The following SLC25A15 variants were observed in gnomAD, a reference collection of about 807,000 sequenced individuals.
The protein encoded by SLC25A15 is solute carrier family 25 member 15, also known as mitochondrial ornithine transporter 1.
In SLC25A15, 24 loss-of-function variants were observed where a neutral mutation model predicts 32.3. The ratio of observed to expected loss-of-function variants is 0.74; its 90% confidence interval spans 0.54 to 1.04. The LOEUF (loss-of-function observed/expected upper bound fraction) is 1.04. Among genes scored for constraint, SLC25A15 ranks in the 50% least tolerant of loss-of-function variants. The pLI, the probability that SLC25A15 is intolerant of heterozygous loss-of-function variation, is 0.00. For synonymous variants in SLC25A15, 132 were observed against 142.1 expected, an observed-to-expected ratio of 0.93 and a Z score of 0.51; for missense variants, 317 against 374.5, an observed-to-expected ratio of 0.85 and a Z score of 1.27.
chr13:40,798,282 A>G (rs1199118578), intron 2 of SLC25A15, among the ~76,000 whole-genome samples: 2 of 151,776 alleles, frequency 1.3e-5, no homozygotes, highest in East Asian at 3.9e-4. Flanking sequence ...ACCATCTCAA[A>G]AAAAAAAAAA....
At chr13:40,792,526 C>T (rs1428596514) in intron 1 of SLC25A15, among the ~76,000 whole-genome samples, 1 of 152,256 alleles carries the variant, frequency 6.6e-6, no homozygotes, top group Non-Finnish European at 1.5e-5. Flanking sequence ...GTTCTAAGAA[C>T]ACATGATGCT....
intron 2 of SLC25A15, among the ~76,000 whole-genome samples, chr13:40,793,847 G>T (rs755967907): frequency 6.6e-6 from 1 of 152,236 alleles, no homozygotes; most frequent in Admixed American, 6.5e-5. Flanking sequence ...AAGGTGCCCA[G>T]TACAGCTGGA....
chr13:40,804,159 C>T (rs1349927509), intron 3 of SLC25A15, among the ~76,000 whole-genome samples: 4 of 152,064 alleles, frequency 2.6e-5, no homozygotes, highest in East Asian at 1.9e-4. Flanking sequence ...TGAACATAGC[C>T]GTCTTCTCAC....
intron 6 of SLC25A15, 23 bp from the exon 7 acceptor site, chr13:40,809,520 T>C: frequency 6.2e-7 from 1 of 1,612,012 alleles, no homozygotes; most frequent in African/African-American, 1.3e-5. Flanking sequence ...GTTGCAGTCT[T>C]TGACCGCCCT....
intron 1 of SLC25A15, among the ~76,000 whole-genome samples, chr13:40,791,329 ATTTATTTT>A (rs1881491007): frequency 7.2e-6 from 1 of 139,092 alleles, no homozygotes; most frequent in Admixed American, 7.2e-5. Flanking sequence ...TTATTTATTT[ATTTATTTT>A]ATTTTTTATT....
In SLC25A15 at chr13:40,810,837, G is replaced by A. The variant is rs778638112; in HGVS notation, c.*1170G>A. 7.5e-6 allele frequency: 4 copies of A among 534,828 alleles called. No individual in the cohort carries two copies. Among genetic ancestry groups the A allele is most frequent in the South Asian group, 4.2e-5 (3 of 71,590 alleles). The allele number at this position is 534,828 out of a possible 1,614,324, so 33.1% of individuals were successfully genotyped here. ...ATGAAGACCCATGTGGCTAGCAACAGCGCTTACCTTTTGTCTCTGGGTCCT... is the reference window on the plus strand; with the variant it reads ...ATGAAGACCCATGTGGCTAGCAACAACGCTTACCTTTTGTCTCTGGGTCCT... On this transcript the variant is annotated 3_prime_UTR_variant, in exon 7 of 7. Transcript: ENST00000338625.
chr13:40,796,807 C>A (rs759222622), intron 2 of SLC25A15, among the ~76,000 whole-genome samples: 2 of 152,034 alleles, frequency 1.3e-5, no homozygotes, highest in Admixed American at 1.3e-4. Context: ...TCCTCTGTAT[C>A]TCGTGATTTA....
In SLC25A15 at chr13:40,810,008, G is replaced by C; in HGVS notation, c.*341G>C. ...TTGTACATGCAATTTGGACAGTTAT[G>C]TGTTGAGGGAAATACAGTTTGGTAC... is the stretch of plus-strand genomic sequence containing the variant. On this transcript the variant is annotated 3_prime_UTR_variant, in exon 7 of 7. Coordinates refer to ENST00000338625, the MANE Select transcript of SLC25A15 (RefSeq NM_014252.4). 1 of 355,630 alleles carries C rather than the reference G, an allele frequency of 2.8e-6. No homozygotes were observed. Among genetic ancestry groups the C allele is most frequent in the Non-Finnish European group, 5.4e-6 (1 of 185,330 alleles). The allele number at this position is 355,630 out of a possible 1,614,324, so 22.0% of individuals were successfully genotyped here. A position where few individuals can be genotyped will look rare whatever the true frequency, so the allele number is the denominator to read the frequency against.
intron 2 of SLC25A15, among the ~76,000 whole-genome samples, chr13:40,795,430 A>G (rs1881637591): frequency 6.6e-6 from 1 of 152,230 alleles, no homozygotes; most frequent in African/African-American, 2.4e-5. Flanking sequence ...AAAGATAGAA[A>G]TTGCAACAGT....
chr13:40,808,796 G>C (rs1198192093), intron 6 of SLC25A15, among the ~76,000 whole-genome samples, 200 bp downstream of exon 6: 3 of 151,936 alleles, frequency 2.0e-5, no homozygotes, highest in Admixed American at 6.6e-5. Context: ...TCAGCCAGGC[G>C]TGGTGGCAGG....
In SLC25A15 at chr13:40,807,440, C is replaced by G; in HGVS notation, c.599C>G (p.Ser200Ter). Residue 200 changes from serine (S) to a stop codon, truncating the protein, a stop_gained, in exon 5 of 7, where the codon TCA (serine) becomes TGA (stop). Transcript: ENST00000338625. LOFTEE classifies it high-confidence loss of function. Reference protein sequence around the residue: ...GYELSRSFFASGRSKDELGPV... With the variant: ...GYELSRSFFA ...GAACTGAGCCGGTCCTTTTTTGCAT[C>G]AGGGAGATCAAAAGATGAATTAGGT... 1 of 1,614,012 alleles carries G rather than the reference C, an allele frequency of 6.2e-7. No homozygotes were observed. The highest frequency in any genetic ancestry group is 8.5e-7 in the Non-Finnish European group (1 of 1,179,960).
Position 40,793,217 on chromosome 13 carries a change from G to A in SLC25A15, c.-10G>A. On this transcript the variant is annotated 5_prime_UTR_variant, in exon 2 of 7. It adds an upstream start codon to the 5' untranslated region. Transcript: ENST00000338625. ...TGCCTTCCACAAGACCAGCAGAAGAGTGGGCAAACATGAAATCCAATCCTG... is the reference window on the plus strand; with the variant it reads ...TGCCTTCCACAAGACCAGCAGAAGAATGGGCAAACATGAAATCCAATCCTG... 6.2e-7 allele frequency: 1 copy of A among 1,614,108 alleles called. No homozygotes were observed. The highest frequency in any genetic ancestry group is 8.5e-7 in the Non-Finnish European group (1 of 1,179,988).
At chr13:40,795,456 G>T (rs531687043) in intron 2 of SLC25A15, among the ~76,000 whole-genome samples, 1 of 152,318 alleles carries the variant, frequency 6.6e-6, no homozygotes, top group East Asian at 1.9e-4. Flanking sequence ...TGGGAGCCTG[G>T]TATGTAAGGC....
chr13:40,807,288 T>C lies in SLC25A15; in HGVS notation c.453-6T>C. 1 of 1,614,052 alleles carries C rather than the reference T, an allele frequency of 6.2e-7. No homozygotes were observed. The highest frequency in any genetic ancestry group is 8.5e-7 in the Non-Finnish European group (1 of 1,179,934). ...AACCGTGCTATCTCTCTGTGTCTCCTCCCAGTACAGTGTGGTCTGTCATCA... is the reference window on the plus strand; with the variant it reads ...AACCGTGCTATCTCTCTGTGTCTCCCCCCAGTACAGTGTGGTCTGTCATCA... On this transcript the variant is annotated splice_polypyrimidine_tract_variant and splice_region_variant and intron_variant, in intron 4 of 6. Coordinates refer to ENST00000338625, the MANE Select transcript of SLC25A15 (RefSeq NM_014252.4).
intron 5 of SLC25A15, among the ~76,000 whole-genome samples, chr13:40,807,960 A>G (rs1001306079): frequency 6.6e-6 from 1 of 152,208 alleles, no homozygotes; most frequent in African/African-American, 2.4e-5. Context: ...TGTTGAATCT[A>G]TTCTGTGGTT....
chr13:40,795,425 T>C (rs1013707195), intron 2 of SLC25A15, among the ~76,000 whole-genome samples: 4 of 152,236 alleles, frequency 2.6e-5, no homozygotes, highest in African/African-American at 9.6e-5. Flanking sequence ...GTTTGAAAGA[T>C]AGAAATTGCA....
intron 6 of SLC25A15, among the ~76,000 whole-genome samples, chr13:40,808,867 G>A (rs530316330): frequency 1.3e-4 from 19 of 149,646 alleles, no homozygotes; most frequent in South Asian, 2.1e-4. Flanking sequence ...CCTGGGAGGC[G>A]GAGCTTGCAG....
chr13:40,795,161 G>A (rs910604053), intron 2 of SLC25A15, among the ~76,000 whole-genome samples: 3 of 152,226 alleles, frequency 2.0e-5, no homozygotes, highest in Non-Finnish European at 4.4e-5. Context: ...TGGGGAGGAC[G>A]CTGACCCTGA....
intron 5 of SLC25A15, among the ~76,000 whole-genome samples, chr13:40,807,944 A>C (rs1207355402): frequency 6.6e-6 from 1 of 152,168 alleles, no homozygotes; most frequent in African/African-American, 2.4e-5. Flanking sequence ...CATCTCCCTC[A>C]GTGTGTGTTG....
Sources: allele counts gnomAD v4.1 joint callset (sites outside exome capture counted in the v4.1 genomes callset), GRCh38; gene constraint gnomAD v4.1.1; transcripts MANE v1.5; gene names NCBI Gene and HGNC (gene_info 2026-07-23, HGNC 2026-07-21).